Variants in MUC5B observed in about 807,000 individuals in gnomAD.
MUC5B encodes mucin 5B, oligomeric mucus/gel-forming, also known as mucin-5B.
Under a neutral mutation model 376.9 loss-of-function variants are expected in MUC5B, and 116 were observed. The ratio of observed to expected loss-of-function variants is 0.31; its 90% CI spans 0.26 to 0.36. The LOEUF is 0.36. Ranked by LOEUF, MUC5B falls within the 10% of genes least tolerant of loss-of-function variation. The pLI, the probability that MUC5B is intolerant of heterozygous loss-of-function variation, is 1.00. For synonymous variants in MUC5B, 3,517 were observed against 3,390.9 expected (o/e 1.04, Z -1.29); for missense variants, 7,165 against 7,769.9 (o/e 0.92, Z 2.93).
Position 1,260,728 on chromosome 11 carries a change from A to C in MUC5B, c.17069A>C (p.Lys5690Thr), listed in dbSNP as rs760095738. Residue 5690 changes from lysine to threonine, a missense_variant and splice_region_variant, in exon 48 of 49, where the codon AAG (lysine) becomes ACG (threonine). Transcript: ENST00000529681. ...GAGGGCTCCTGCCCCGGAGCGTCCAAGTGAGTGGGCTCCTGGCCCTGTGCC... is the reference window on the plus strand; with the variant it reads ...GAGGGCTCCTGCCCCGGAGCGTCCACGTGAGTGGGCTCCTGGCCCTGTGCC... ...FCEGSCPGASKYSAEAQAMQH... is the reference protein window; with the variant it reads ...FCEGSCPGASTYSAEAQAMQH... 1.2e-6 allele frequency: 2 copies of C among 1,606,310 alleles called. No homozygotes were observed. Among genetic ancestry groups the C allele is most frequent in the South Asian group, 1.1e-5 (1 of 90,068 alleles).
chr11:1,252,281 C>G, intron 31 of MUC5B, 62 bp from the exon 32 acceptor site: 2 of 1,487,332 alleles, frequency 1.3e-6, no homozygotes, highest in Admixed American at 2.2e-5. Context: ...TTTGCTCTCC[C>G]AGAACTCTGG....
rs774560752 is a variant in MUC5B at position 1,232,506 on chromosome 11, C to T, written c.1900C>T (p.Arg634Cys). Residue 634 changes from arginine to cysteine, a missense_variant, in exon 16 of 49, where the codon CGC (arginine) becomes TGC (cysteine). This residue lies in a region of MUC5B where 530 missense variants were observed against 604.0 expected (regional missense o/e 0.88). Transcript: ENST00000529681. ...RLTDPNSAFSRCHSIINPKPF... is the reference protein window; with the variant it reads ...RLTDPNSAFSCCHSIINPKPF... ...GACCGATCCCAACAGTGCCTTCTCG[C>T]GCTGCCACTCCATCATCAACCCCAA... 14 of 1,610,920 alleles carry T rather than the reference C, an allele frequency of 8.7e-6. No homozygotes were observed. Among genetic ancestry groups the T allele is most frequent in the South Asian group, 1.1e-5 (1 of 90,606 alleles).
chr11:1,239,759 A>C, intron 27 of MUC5B, 40 bp from the exon 28 acceptor site: 1 of 1,583,842 alleles, frequency 6.3e-7, no homozygotes, highest in Non-Finnish European at 8.6e-7. Context: ...GAGAGACTAA[A>C]GGGCCCTGGT....
Position 1,247,009 on chromosome 11 carries a change from C to T in MUC5B, c.10129C>T (p.Pro3377Ser), listed in dbSNP as rs1564944827. The change falls in exon 31 of 49, where the codon CCC (proline) becomes TCC (serine). Residue 3377 changes from proline to serine, a missense_variant. Pro to Ser is a moderately conservative substitution (Grantham distance 74). Coordinates refer to ENST00000529681, the MANE Select transcript of MUC5B (RefSeq NM_002458.3). ...TTVATGSMAT[P>S]SSSTQTSGTP... ...TGTGGCCACTGGTTCTATGGCAACA[C>T]CCTCCTCTAGCACACAGACCAGTGG... 1.3e-6 allele frequency: 2 copies of T among 1,554,594 alleles called. No individual in the cohort carries two copies. Among genetic ancestry groups the T allele is most frequent in the Non-Finnish European group, 1.7e-6 (2 of 1,149,022 alleles).
In MUC5B at chr11:1,254,164, G is replaced by A; in HGVS notation, c.15290G>A (p.Cys5097Tyr). 1 of 1,612,970 alleles carries A rather than the reference G, an allele frequency of 6.2e-7. No individual in the cohort carries two copies. The highest frequency in any genetic ancestry group is 8.5e-7 in the Non-Finnish European group (1 of 1,179,854). The change falls in exon 34 of 49, where the codon TGC (cysteine) becomes TAC (tyrosine). Residue 5097 changes from cysteine (C) to tyrosine (Y), a missense_variant. Cys to Tyr is a radical substitution (Grantham distance 194). Around this residue, in one of 31 missense-constraint regions of MUC5B, gnomAD observed 842 missense variants for 1,016.9 expected, o/e 0.83. Coordinates refer to ENST00000529681, the MANE Select transcript of MUC5B (RefSeq NM_002458.3). The stretch of plus-strand genomic sequence containing the variant: ...ACCTCTTACACCTTCCGGGGCAACT[G>A]CACCTATGTCCTCATGAGAGAGATC... ...DGTSYTFRGN[C>Y]TYVLMREIHA...
chr11:1,233,895 C>A (rs1395620443), intron 19 of MUC5B, 47 bp downstream of exon 19: 7 of 1,534,356 alleles, frequency 4.6e-6, no homozygotes, highest in East Asian at 4.8e-5. Context: ...CCCCGCATCA[C>A]CCCGCCTGGC....
rs749471038 is a variant in MUC5B, at chr11:1,262,070, C to T, written c.*462C>T. ...TGTCCATGCCTGCTGCAGGGTAACT[C>T]AGGGCTGAGGTCGCAACGGCCAGGT... On this transcript the variant is annotated 3_prime_UTR_variant, in exon 49 of 49. Coordinates refer to ENST00000529681, the MANE Select transcript of MUC5B (RefSeq NM_002458.3). 1.9e-6 allele frequency: 1 copy of T among 530,814 alleles called. No individual in the cohort carries two copies. The highest frequency in any genetic ancestry group is 1.9e-5 in the Admixed American group (1 of 51,616). 32.9% of individuals were successfully genotyped at this position (530,814 alleles called of 1,614,324 possible). A position where few individuals can be genotyped will look rare whatever the true frequency, so the allele number is the denominator to read the frequency against.
Position 1,256,182 on chromosome 11 carries a change from T to C in MUC5B, c.16093T>C (p.Tyr5365His). The C allele has an allele frequency of 1.4e-6, 1 of 735,970 alleles. No homozygotes were observed. The highest frequency in any genetic ancestry group is 1.9e-5 in the Admixed American group (1 of 52,878). The allele number at this position is 735,970 out of a possible 1,614,324, so 45.6% of individuals were successfully genotyped here. A position where few individuals can be genotyped will look rare whatever the true frequency, so the allele number is the denominator to read the frequency against. Residue 5365 changes from tyrosine (Y) to histidine (H), a missense_variant, in exon 38 of 49, where the codon TAC (tyrosine) becomes CAC (histidine). Coordinates refer to ENST00000529681, the MANE Select transcript of MUC5B (RefSeq NM_002458.3). ...CDLTCPPTKVYKPCGPIQPAT... is the reference protein window; with the variant it reads ...CDLTCPPTKVHKPCGPIQPAT... Reference sequence around the variant, plus strand: ...CCTCACCTGCCCACCCACCAAAGTGTACAAGCCATGCGGCCCCATACAGCC... The same window carrying C: ...CCTCACCTGCCCACCCACCAAAGTGCACAAGCCATGCGGCCCCATACAGCC...
chr11:1,225,898 G>A (rs1490974725), intron 2 of MUC5B, among the ~76,000 whole-genome samples, 161 bp downstream of exon 2: 4 of 152,250 alleles, frequency 2.6e-5, no homozygotes, highest in Admixed American at 2.0e-4. Flanking sequence ...GGCGGAGCTT[G>A]GTGCTCCAAA....
At position 1,239,035 on chromosome 11, in the gene MUC5B, G is replaced by C. The variant is rs577228801; in HGVS notation, c.3454+8G>C. 4 of 1,571,376 alleles carry C rather than the reference G, an allele frequency of 2.5e-6. No individual in the cohort carries two copies. Among genetic ancestry groups the C allele is most frequent in the African/African-American group, 2.7e-5 (2 of 74,120 alleles). ...GGACTCCGGACACCTGCCGTGAGTC[G>C]GGCTCTGTCCGTGGTGCTGAAGGGT... On this transcript the variant is annotated splice_region_variant and intron_variant, in intron 26 of 48. Coordinates refer to ENST00000529681, the MANE Select transcript of MUC5B (RefSeq NM_002458.3).
In MUC5B at chr11:1,253,630, C is replaced by T. The variant is rs2133847965; in HGVS notation, c.15218-462C>T. Reference sequence around the variant, plus strand: ...TCCAGGCGGGCAGGGGATAGACTCCCTGCTGAGGGTCTGGGGAGGTCCTTC... The same window carrying T: ...TCCAGGCGGGCAGGGGATAGACTCCTTGCTGAGGGTCTGGGGAGGTCCTTC... On this transcript the variant is annotated intron_variant, in intron 33 of 48. Coordinates refer to ENST00000529681, the MANE Select transcript of MUC5B (RefSeq NM_002458.3). This position sits in a 1 kb window ranked among gnomAD's most constrained non-coding sequence, Gnocchi z 4.3. Among the ~76,000 whole-genome samples, 1 of 152,276 alleles carries T rather than the reference C, an allele frequency of 6.6e-6. No homozygotes were observed. Among genetic ancestry groups the T allele is most frequent in the Non-Finnish European group, 1.5e-5 (1 of 68,006 alleles).
intron 1 of MUC5B, 94 bp from the exon 2 acceptor site, chr11:1,225,587 C>T (rs1861861326): frequency 6.9e-6 from 8 of 1,163,474 alleles, no homozygotes; most frequent in South Asian, 1.4e-5. Context: ...CCACATGCGG[C>T]TGCCGCACCA....
chr11:1,228,306 G>T lies in MUC5B; in HGVS notation c.775-258G>T, dbSNP rs4963050. On this transcript the variant is annotated intron_variant, in intron 7 of 48. Coordinates refer to ENST00000529681, the MANE Select transcript of MUC5B (RefSeq NM_002458.3). ...CCCCTCCTTGGCTCCGCCTCCTGGG[G>T]TGGGGGTCTGCACCTTTCTTGGGCG... 0.3 allele frequency among the ~76,000 whole-genome samples: 45,531 copies of T among 152,074 alleles called. 7,197 individuals carry two copies. Among genetic ancestry groups the T allele is most frequent in the East Asian group, 0.6 (3,069 of 5,138 alleles).
chr11:1,243,470 C>A lies in MUC5B; in HGVS notation c.6590C>A (p.Thr2197Lys), dbSNP rs775228044. Reference sequence around the variant, plus strand: ...CCAGTGCCGAACACCATGGCCACCACACACGGGCGATCCCTGCCCCCCAGC... The same window carrying A: ...CCAGTGCCGAACACCATGGCCACCAAACACGGGCGATCCCTGCCCCCCAGC... ...TPPVPNTMATTHGRSLPPSSP... is the reference protein window; with the variant it reads ...TPPVPNTMATKHGRSLPPSSP... The change falls in exon 31 of 49, where the codon ACA (threonine) becomes AAA (lysine). Residue 2197 changes from threonine (T) to lysine (K), a missense_variant. Thr to Lys is a moderately conservative substitution (Grantham distance 78). This residue lies in a region of MUC5B where 67 missense variants were observed against 103.0 expected (regional missense o/e 0.65). Transcript: ENST00000529681. 1.3e-6 allele frequency: 2 copies of A among 1,518,352 alleles called. No individual in the cohort carries two copies. The highest frequency in any genetic ancestry group is 2.9e-5 in the African/African-American group (2 of 70,164). The allele number at this position is 1,518,352 out of a possible 1,614,324, so 94.1% of individuals were successfully genotyped here.
Position 1,251,363 on chromosome 11 carries a change from C to T in MUC5B, c.14483C>T (p.Thr4828Ile). The T allele has an allele frequency of 1.2e-6, 2 of 1,608,296 alleles. No individual in the cohort carries two copies. Among genetic ancestry groups the T allele is most frequent in the East Asian group, 2.2e-5 (1 of 44,864 alleles). The part of the protein sequence containing the change: ...ILTELTTTAT[T>I]TAATGSTATL... ...ACTGAGCTGACCACAACAGCCACTACAACTGCAGCCACTGGATCCACGGCC... is the reference window on the plus strand; with the variant it reads ...ACTGAGCTGACCACAACAGCCACTATAACTGCAGCCACTGGATCCACGGCC... Residue 4828 changes from threonine to isoleucine, a missense_variant, in exon 31 of 49, where the codon ACA becomes ATA. By Grantham distance (89) the Thr-to-Ile change is moderately conservative. Coordinates refer to ENST00000529681, the MANE Select transcript of MUC5B (RefSeq NM_002458.3).
chr11:1,259,394 A>G (rs1338269858), intron 44 of MUC5B: 14 of 484,256 alleles, frequency 2.9e-5, no homozygotes, highest in African/African-American at 5.8e-5. Context: ...TGAGTCACTT[A>G]TCCTGGCTCC....
In MUC5B at chr11:1,233,204, C is replaced by A; in HGVS notation, c.2257C>A (p.Pro753Thr). 6.2e-7 allele frequency: 1 copy of A among 1,601,612 alleles called. No individual in the cohort carries two copies. Among genetic ancestry groups the A allele is most frequent in the Non-Finnish European group, 8.5e-7 (1 of 1,177,454 alleles). ...AGACVPAQEC[P>T]CYAHGTVLAP... ...CGCCTGTGTGCCCGCCCAGGAGTGC[C>A]CCTGCTACGCTCACGGCACCGTGCT... Residue 753 changes from proline to threonine, a missense_variant, in exon 18 of 49, where the codon CCC (proline) becomes ACC (threonine). Transcript: ENST00000529681.
chr11:1,224,061 G>A (rs1218163413), intron 1 of MUC5B, among the ~76,000 whole-genome samples: 5 of 152,244 alleles, frequency 3.3e-5, no homozygotes, highest in Non-Finnish European at 7.3e-5. Flanking sequence ...GGGCCCGGGG[G>A]GAGCTGCGTC....
rs1242100602 is a variant in MUC5B, at chr11:1,250,455, C to T, written c.13575C>T (p.Ile4525=). 6.3e-7 allele frequency: 1 copy of T among 1,594,246 alleles called. No homozygotes were observed. Among genetic ancestry groups the T allele is most frequent in the Non-Finnish European group, 8.6e-7 (1 of 1,163,498 alleles). Residue 4525 remains isoleucine, a synonymous_variant, in exon 31 of 49, where the codon ATC becomes ATT. Transcript: ENST00000529681. ...TTPTATSFTA[I]PSSSLGTTWT... ...CCACAGCTACCAGCTTTACAGCCAT[C>T]CCCTCCTCCTCCCTGGGCACCACCT...
Sources: gnomAD v4.1 joint callset for allele counts (sites outside exome capture counted in the v4.1 genomes callset) on GRCh38, gnomAD v4.1.1 for gene constraint, gnomAD v4.1.1 regional missense constraint, Gnocchi (gnomAD v3.1) non-coding constraint, MANE v1.5 for transcripts, NCBI Gene and HGNC (gene_info 2026-07-23, HGNC 2026-07-21) for gene names.